Variants in PRSS27 observed in about 807,000 individuals in gnomAD.
PRSS27 encodes the protein channel-activating protease 2.
Under a neutral mutation model 32.0 loss-of-function variants are expected in PRSS27, and 25 were observed. The ratio of observed to expected loss-of-function variants is 0.78; its 90% CI spans 0.57 to 1.09. The LOEUF is 1.09. Ranked by LOEUF, PRSS27 falls within the 50% of genes least tolerant of loss-of-function variation. PRSS27 has a pLI of 0.00. For synonymous variants in PRSS27, 178 were observed against 172.2 expected (o/e 1.03, Z -0.26); for missense variants, 401 against 394.9 (o/e 1.02, Z -0.13).
At chr16:2,713,920 T>TC in intron 4 of PRSS27, 145 bp downstream of exon 4, 2 of 1,049,464 alleles carry the variant, frequency 1.9e-6, no homozygotes, top group Non-Finnish European at 2.8e-6. Flanking sequence ...CTGCTGCTGC[T>TC]CCCCTCGGCC....
Position 2,715,688 on chromosome 16 carries a change from A to G in PRSS27, c.236+30T>C, listed in dbSNP as rs577808308. 75 of 1,536,510 alleles carry G rather than the reference A, an allele frequency of 4.9e-5. No homozygotes were observed. The South Asian group carries it at 8.2e-4, about 17-fold the overall frequency. ...TCGCGCGCGGGGCGCTGTCAGCGCTATGGGCGGGGGCAGGGGCGGGCGGAC... is the reference window on the plus strand; with the variant it reads ...TCGCGCGCGGGGCGCTGTCAGCGCTGTGGGCGGGGGCAGGGGCGGGCGGAC... On this transcript the variant is annotated intron_variant, in intron 3 of 5. Coordinates refer to ENST00000302641, the MANE Select transcript of PRSS27 (RefSeq NM_031948.5).
At chr16:2,719,796 C>T (rs867154619) in intron 1 of PRSS27, among the ~76,000 whole-genome samples, 4 of 152,196 alleles carry the variant, frequency 2.6e-5, no homozygotes, top group Non-Finnish European at 5.9e-5. Flanking sequence ...GGGGAGAGGC[C>T]GAGGTGGCAG....
In PRSS27 at chr16:2,714,118, A is replaced by G; in HGVS notation, c.455T>C (p.Phe152Ser). Residue 152 changes from phenylalanine (F) to serine (S), a missense_variant, in exon 4 of 6, where the codon TTT (phenylalanine) becomes TCT (serine). By Grantham distance (155) the Phe-to-Ser change is radical. Transcript: ENST00000302641. This position sits in a 1 kb window ranked among gnomAD's most constrained non-coding sequence, Gnocchi z 4.7. ...PVCLPDPSVI[F>S]ETGMNCWVTG... ...GACCCAGCAGTTCATGCCCGTCTCA[A>G]AGATCACCGAGGGGTCAGGCAGGCA... The G allele has an allele frequency of 5.0e-6, 8 of 1,614,006 alleles. No homozygotes were observed. Among genetic ancestry groups the G allele is most frequent in the Non-Finnish European group, 6.8e-6 (8 of 1,179,982 alleles).
In PRSS27 at chr16:2,717,482, C is replaced by T. The variant is rs940622003; in HGVS notation, c.47-956G>A. 6.6e-6 allele frequency: 1 copy of T among 152,354 alleles called. No individual in the cohort carries two copies. Among genetic ancestry groups the T allele is most frequent in the African/African-American group, 2.4e-5 (1 of 41,408 alleles). The allele number at this position is 152,354 out of a possible 1,614,324, so 9.4% of individuals were successfully genotyped here. ...TGGAACTTCCTGGCCTTGAGAGAGT[C>T]CTCTCACCACCCCTGCACTCCACGC... On this transcript the variant is annotated intron_variant, in intron 1 of 5. Coordinates refer to ENST00000302641, the MANE Select transcript of PRSS27 (RefSeq NM_031948.5). The surrounding 1 kb of genome is among the most constrained non-coding windows in gnomAD (Gnocchi z 4.1).
Position 2,713,672 on chromosome 16 carries a change from GC to G in PRSS27, c.534del (p.Gln179ArgfsTer68). 2.5e-6 allele frequency: 4 copies of G among 1,614,234 alleles called. No homozygotes were observed. The highest frequency in any genetic ancestry group is 1.3e-5 in the African/African-American group (1 of 75,062). On this transcript the variant is annotated frameshift_variant, in exon 5 of 6. Transcript: ENST00000302641. LOFTEE classifies it high-confidence loss of function. Reference sequence around the variant, plus strand: ...TCGATGATGGGCACAGCGAGTTTCTGCAGGATCCGCGGTTCGGGCAGGAGGT... The same window carrying G: ...TCGATGATGGGCACAGCGAGTTTCTGAGGATCCGCGGTTCGGGCAGGAGGT... Reference protein sequence around the residue: ...EEDLLPEPRILQKLAVPIIDT... With the variant: ...EEDLLPEPRIXQKLAVPIIDT...
chr16:2,713,488 C>T (rs759041332), intron 5 of PRSS27, 41 bp downstream of exon 5: 11 of 1,601,026 alleles, frequency 6.9e-6, no homozygotes, highest in Admixed American at 6.7e-5. Flanking sequence ...CTGGGCCTGG[C>T]GGTGGGGACT....
chr16:2,713,644 G>T lies in PRSS27; in HGVS notation c.563C>A (p.Thr188Lys). 6.2e-7 allele frequency: 1 copy of T among 1,614,230 alleles called. No homozygotes were observed. Among genetic ancestry groups the T allele is most frequent in the Non-Finnish European group, 8.5e-7 (1 of 1,180,030 alleles). ...GCTGTAGAGCAGGTTGCACTTGGGT[G>T]TGTCGATGATGGGCACAGCGAGTTT... ...LQKLAVPIID[T>K]PKCNLLYSKD... The change falls in exon 5 of 6, where the codon ACA becomes AAA. Residue 188 changes from threonine (T) to lysine (K), a missense_variant. Thr to Lys is a moderately conservative substitution (Grantham distance 78). Transcript: ENST00000302641.
At position 2,712,672 on chromosome 16, in the gene PRSS27, C is replaced by A. The variant is rs779962045; in HGVS notation, c.821G>T (p.Arg274Leu). 2 of 1,599,402 alleles carry A rather than the reference C, an allele frequency of 1.3e-6. No homozygotes were observed. The highest frequency in any genetic ancestry group is 3.4e-5 in the Admixed American group (2 of 58,068). The change falls in exon 6 of 6, where the codon CGG becomes CTG. Residue 274 changes from arginine to leucine, a missense_variant. Transcript: ENST00000302641. The surrounding 1 kb of genome is among the most constrained non-coding windows in gnomAD (Gnocchi z 4.6). Reference sequence around the variant, plus strand: ...CTGGAACTGCAGTTTGGGGATGATCCGATGGATCCAGTTGTGGTGGGCGGT... The same window carrying A: ...CTGGAACTGCAGTTTGGGGATGATCAGATGGATCCAGTTGTGGTGGGCGGT... ...RVTAHHNWIH[R>L]IIPKLQFQPA...
chr16:2,713,682 C>CG lies in PRSS27; in HGVS notation c.524dup (p.Arg176AlafsTer36). On this transcript the variant is annotated frameshift_variant, in exon 5 of 6. Coordinates refer to ENST00000302641, the MANE Select transcript of PRSS27 (RefSeq NM_031948.5). LOFTEE classifies it high-confidence loss of function. ...GCACAGCGAGTTTCTGCAGGATCCG[C>CG]GGTTCGGGCAGGAGGTCTGGAGAGG... The CG allele has an allele frequency of 6.2e-7, 1 of 1,614,196 alleles. No homozygotes were observed. The highest frequency in any genetic ancestry group is 8.5e-7 in the Non-Finnish European group (1 of 1,180,030).
intron 5 of PRSS27, chr16:2,713,263 T>C (rs2067676123): frequency 4.1e-6 from 2 of 482,046 alleles, no homozygotes; most frequent in Non-Finnish European, 7.7e-6. Context: ...CACGCCTGGC[T>C]AATTTTTTGT....
At position 2,713,541 on chromosome 16, in the gene PRSS27, C is replaced by T; in HGVS notation, c.666G>A (p.Lys222=). The T allele has an allele frequency of 6.2e-7, 1 of 1,614,240 alleles. No homozygotes were observed. The highest frequency in any genetic ancestry group is 8.5e-7 in the Non-Finnish European group (1 of 1,180,036). Reference sequence around the variant, plus strand: ...ACATTGCTCCCACCTTGCAGGCATCCTTCTTGCCCTCCTCGAAGCCGGCGC... The same window carrying T: ...ACATTGCTCCCACCTTGCAGGCATCTTTCTTGCCCTCCTCGAAGCCGGCGC... ...MLCAGFEEGK[K]DACKGDSGGP... The change falls in exon 5 of 6, where the codon AAG becomes AAA. Residue 222 remains lysine, a synonymous_variant. Coordinates refer to ENST00000302641, the MANE Select transcript of PRSS27 (RefSeq NM_031948.5).
Position 2,712,929 on chromosome 16 carries a change from C to G in PRSS27, c.679-115G>C. Reference sequence around the variant, plus strand: ...GGATTCCTTCTCTCCATCCCAGAGCCTCTCTGCCCGGCTCCCCATCCCCTG... The same window carrying G: ...GGATTCCTTCTCTCCATCCCAGAGCGTCTCTGCCCGGCTCCCCATCCCCTG... On this transcript the variant is annotated intron_variant, in intron 5 of 5. Coordinates refer to ENST00000302641, the MANE Select transcript of PRSS27 (RefSeq NM_031948.5). The surrounding 1 kb of genome is among the most constrained non-coding windows in gnomAD (Gnocchi z 4.6). 1.2e-6 allele frequency: 1 copy of G among 855,508 alleles called. No individual in the cohort carries two copies. The highest frequency in any genetic ancestry group is 1.7e-6 in the Non-Finnish European group (1 of 574,498). The allele number at this position is 855,508 out of a possible 1,614,324, so 53.0% of individuals were successfully genotyped here. A position where few individuals can be genotyped will look rare whatever the true frequency, so the allele number is the denominator to read the frequency against.
At chr16:2,713,768 C>A (rs1455488551) in intron 4 of PRSS27, 70 bp from the exon 5 acceptor site, 1 of 1,517,352 alleles carries the variant, frequency 6.6e-7, no homozygotes, top group African/African-American at 1.4e-5. Flanking sequence ...CCGGGAACCA[C>A]CACTCCATCC....
intron 2 of PRSS27, chr16:2,716,248 G>A: frequency 1.7e-6 from 1 of 593,614 alleles, no homozygotes; most frequent in Non-Finnish European, 3.0e-6. Context: ...GCCAGTCACG[G>A]TTCAGGGTGA....
At chr16:2,715,631 C>A in intron 3 of PRSS27, 87 bp downstream of exon 3, 1 of 1,116,724 alleles carries the variant, frequency 9.0e-7, no homozygotes, top group Non-Finnish European at 1.2e-6. Context: ...CAGGATTTGG[C>A]GCGGCGGGCG....
Position 2,712,569 on chromosome 16 carries a change from G to C in PRSS27, c.*51C>G. ...GGAGGACCAGCAGGATGGTGTGGGCGGGCAGGCTGGGTGCAGAGCTCTGCT... is the reference window on the plus strand; with the variant it reads ...GGAGGACCAGCAGGATGGTGTGGGCCGGCAGGCTGGGTGCAGAGCTCTGCT... On this transcript the variant is annotated 3_prime_UTR_variant, in exon 6 of 6. Transcript: ENST00000302641. This position sits in a 1 kb window ranked among gnomAD's most constrained non-coding sequence, Gnocchi z 4.6. The C allele has an allele frequency of 6.7e-7, 1 of 1,489,090 alleles. No homozygotes were observed. The allele number at this position is 1,489,090 out of a possible 1,614,324, so 92.2% of individuals were successfully genotyped here.
At chr16:2,713,137 G>T (rs538435048) in intron 5 of PRSS27, 22 of 462,356 alleles carry the variant, frequency 4.8e-5, no homozygotes, top group Middle Eastern at 6.0e-4. Flanking sequence ...CTTGCTCTGT[G>T]GCCCAGGCTG....
At position 2,714,377 on chromosome 16, in the gene PRSS27, G is replaced by C. The variant is rs200616593; in HGVS notation, c.237-41C>G. 4 of 1,602,108 alleles carry C rather than the reference G, an allele frequency of 2.5e-6. No individual in the cohort carries two copies. The highest frequency in any genetic ancestry group is 2.5e-6 in the Non-Finnish European group (3 of 1,178,208). On this transcript the variant is annotated intron_variant, in intron 3 of 5. Transcript: ENST00000302641. The surrounding 1 kb of genome is among the most constrained non-coding windows in gnomAD (Gnocchi z 4.7). ...GAGAGGCGGCGTGAGGCGGCCCCTC[G>C]TGTGGGGACAGGCCCGGGAGGGGCT...
intron 5 of PRSS27, 65 bp downstream of exon 5, chr16:2,713,464 G>A (rs1453722895): frequency 1.3e-6 from 2 of 1,534,062 alleles, no homozygotes; most frequent in African/African-American, 2.7e-5. Flanking sequence ...AGCGGGGCAT[G>A]ATCCCACCCT....
Sources: allele counts gnomAD v4.1 joint callset (sites outside exome capture counted in the v4.1 genomes callset), GRCh38; gene constraint gnomAD v4.1.1; non-coding constraint Gnocchi (gnomAD v3.1); transcripts MANE v1.5; gene names NCBI Gene and HGNC (gene_info 2026-07-23, HGNC 2026-07-21).